Variants in TINAG observed in about 807,000 individuals in gnomAD.
TINAG encodes tubulointerstitial nephritis antigen.
Under a neutral mutation model 72.7 loss-of-function variants are expected in TINAG, and 83 were observed. The ratio of observed to expected loss-of-function variants is 1.14; its 90% CI spans 0.96 to 1.37. TINAG has a LOEUF of 1.37. Among genes scored for constraint, TINAG ranks in the 40% most tolerant of loss-of-function variants. The pLI is 0.00. For synonymous variants in TINAG, 234 were observed against 189.9 expected, an observed-to-expected ratio of 1.23 and a Z score of -1.91; for missense variants, 685 against 576.6, an observed-to-expected ratio of 1.19 and a Z score of -1.93.
rs189131093 is a variant in TINAG at position 54,353,170 on chromosome 6, C to T, written c.1127-1343C>T. Reference sequence around the variant, plus strand: ...CTTTCAGGTAATTATGGTGGCTTCTCATCCTTTTTCTTAGGTGGCAGTGTT... The same window carrying T: ...CTTTCAGGTAATTATGGTGGCTTCTTATCCTTTTTCTTAGGTGGCAGTGTT... On this transcript the variant is annotated intron_variant, in intron 8 of 10. Transcript: ENST00000259782. Among the ~76,000 whole-genome samples, 275 of 151,870 alleles carry T rather than the reference C, an allele frequency of 1.8e-3. 1 individual carries two copies. Among genetic ancestry groups the T allele is most frequent in the African/African-American group, 6.2e-3 (257 of 41,498 alleles).
chr6:54,364,092 A>G (rs1233735747), intron 9 of TINAG, among the ~76,000 whole-genome samples: 1 of 151,560 alleles, frequency 6.6e-6, no homozygotes, highest in African/African-American at 2.4e-5. Context: ...AGGAATGTAC[A>G]GTTAGAAATG....
At chr6:54,373,464 A>AT (rs1174607891) in intron 9 of TINAG, among the ~76,000 whole-genome samples, 1 of 152,004 alleles carries the variant, frequency 6.6e-6, no homozygotes, top group Non-Finnish European at 1.5e-5. Flanking sequence ...TCTAGTTCTA[A>AT]TTTTTATTGC....
At chr6:54,357,592 A>G (rs1415438432) in intron 9 of TINAG, among the ~76,000 whole-genome samples, 1 of 151,944 alleles carries the variant, frequency 6.6e-6, no homozygotes, top group African/African-American at 2.4e-5. Context: ...TCTCTGCTGG[A>G]AGCCTTGGAG....
At position 54,326,879 on chromosome 6, in the gene TINAG, C is replaced by T. The variant is rs543009999; in HGVS notation, c.587C>T (p.Pro196Leu). The T allele has an allele frequency of 8.7e-6, 14 of 1,612,460 alleles. No individual in the cohort carries two copies. Among genetic ancestry groups the T allele is most frequent in the Middle Eastern group, 3.3e-4 (2 of 6,054 alleles). The change falls in exon 4 of 11, where the codon CCA (proline) becomes CTA (leucine). Residue 196 changes from proline to leucine, a missense_variant. Pro to Leu is a moderately conservative substitution (Grantham distance 98). Transcript: ENST00000259782. ...TTTAAATTTCGCCTTGGCACTTTGC[C>T]ACCTAGTCCCATGCTCCTGAGCATG... ...DGFKFRLGTLPPSPMLLSMNE... is the reference protein window; with the variant it reads ...DGFKFRLGTLLPSPMLLSMNE...
intron 5 of TINAG, among the ~76,000 whole-genome samples, chr6:54,345,361 T>G (rs2150956241): frequency 6.6e-6 from 1 of 152,228 alleles, no homozygotes; most frequent in South Asian, 2.1e-4. Flanking sequence ...ATCTACAGAT[T>G]TGTGAGGCTG....
chr6:54,329,395 A>C (rs1187687902), intron 4 of TINAG, among the ~76,000 whole-genome samples: 1 of 152,174 alleles, frequency 6.6e-6, no homozygotes, highest in East Asian at 1.9e-4. Context: ...GTGAAAGAGA[A>C]ATAAAATCCT....
intron 9 of TINAG, among the ~76,000 whole-genome samples, chr6:54,376,786 G>C (rs140295940): frequency 1.3e-5 from 2 of 152,058 alleles, no homozygotes; most frequent in East Asian, 1.9e-4. Context: ...TTTCCATAAA[G>C]ACTTTTCATA....
chr6:54,363,504 T>A (rs1449926246), intron 9 of TINAG, among the ~76,000 whole-genome samples: 1 of 150,982 alleles, frequency 6.6e-6, no homozygotes, highest in African/African-American at 2.4e-5. Context: ...TCAAGAGTGA[T>A]CCACCTTTAG....
chr6:54,315,679 T>TA (rs547071002), intron 1 of TINAG, among the ~76,000 whole-genome samples: 54 of 89,078 alleles, frequency 6.1e-4, no homozygotes, highest in South Asian at 7.3e-4. Context: ...CCTGTCAAAG[T>TA]AAAAAAAAAA....
At chr6:54,350,812 A>G (rs549153555) in intron 7 of TINAG, among the ~76,000 whole-genome samples, 1 of 151,786 alleles carries the variant, frequency 6.6e-6, no homozygotes, top group Admixed American at 6.6e-5. Flanking sequence ...TAATGAAATT[A>G]GTAGTGTCAT....
intron 1 of TINAG, among the ~76,000 whole-genome samples, chr6:54,319,197 T>G (rs73442588): frequency 0.017 from 2,591 of 152,242 alleles, 66 homozygotes; most frequent in African/African-American, 0.059. Context: ...ACACTCTCAG[T>G]TTTTAAGAAT....
upstream of TINAG, chr6:54,308,032 G>C: frequency 6.5e-7 from 1 of 1,549,352 alleles, no homozygotes; most frequent in Non-Finnish European, 8.7e-7. Context: ...TAGAGCAACT[G>C]TTATTGATAT....
Position 54,364,456 on chromosome 6 carries a change from G to C in TINAG, c.1250+9820G>C, listed in dbSNP as rs1042868988. Among the ~76,000 whole-genome samples, 10 of 151,448 alleles carry C rather than the reference G, an allele frequency of 6.6e-5. No individual in the cohort carries two copies. The East Asian group carries it at 2.0e-3, about 30-fold the overall frequency. The stretch of plus-strand genomic sequence containing the variant: ...AGAATTGAGGAATTTGGAGAAGATA[G>C]AAAAATGATTGAGTCAAAATAGACT... On this transcript the variant is annotated intron_variant, in intron 9 of 10. Coordinates refer to ENST00000259782, the MANE Select transcript of TINAG (RefSeq NM_014464.4).
chr6:54,327,064 A>G (rs1029318357), intron 4 of TINAG, 148 bp downstream of exon 4: 6 of 1,543,576 alleles, frequency 3.9e-6, no homozygotes, highest in Middle Eastern at 1.7e-4. Context: ...CTTTCCCTAA[A>G]TGGTTGTTAA....
At chr6:54,328,192 G>T (rs929635746) in intron 4 of TINAG, among the ~76,000 whole-genome samples, 4 of 152,124 alleles carry the variant, frequency 2.6e-5, no homozygotes, top group East Asian at 1.9e-4. Context: ...TCCCAGCAGG[G>T]TTCAACAGAC....
intron 9 of TINAG, among the ~76,000 whole-genome samples, chr6:54,369,655 G>A (rs557740507): frequency 6.6e-6 from 1 of 151,868 alleles, no homozygotes; most frequent in Non-Finnish European, 1.5e-5. Flanking sequence ...AATAATTGAA[G>A]CACTATACAC....
intron 4 of TINAG, among the ~76,000 whole-genome samples, chr6:54,340,379 C>CT (rs1288982842): frequency 6.8e-6 from 1 of 146,360 alleles, no homozygotes; most frequent in Non-Finnish European, 1.5e-5. Context: ...CTTCTTGATT[C>CT]TTTTGTTTTA....
intron 9 of TINAG, among the ~76,000 whole-genome samples, chr6:54,361,418 G>T (rs1173761107): frequency 2.0e-5 from 3 of 151,672 alleles, no homozygotes; most frequent in Non-Finnish European, 3.0e-5. Flanking sequence ...AAGGGCAAAG[G>T]AGAAGCCATA....
intron 10 of TINAG, among the ~76,000 whole-genome samples, chr6:54,383,636 A>C (rs775200131): frequency 1.3e-5 from 2 of 152,134 alleles, no homozygotes; most frequent in Non-Finnish European, 2.9e-5. Flanking sequence ...GAAAGATGTG[A>C]CCAGCAACCA....
Sources: allele counts gnomAD v4.1 joint callset (sites outside exome capture counted in the v4.1 genomes callset), GRCh38; gene constraint gnomAD v4.1.1; transcripts MANE v1.5; gene names NCBI Gene and HGNC (gene_info 2026-07-23, HGNC 2026-07-21).